Variants in ADGRL2 observed in about 807,000 individuals in gnomAD.
The protein encoded by ADGRL2 is adhesion G protein-coupled receptor L2.
Under a neutral mutation model 157.4 loss-of-function variants are expected in ADGRL2, and 44 were observed. That is an observed-to-expected ratio of 0.28 (90% CI 0.22 to 0.36). The LOEUF is 0.36. Ranked by LOEUF, ADGRL2 falls within the 10% of genes least tolerant of loss-of-function variation. ADGRL2 has a pLI of 1.00. For missense variants in ADGRL2, 1,510 were observed against 1,768.9 expected, an observed-to-expected ratio of 0.85 and a Z score of 2.63; for synonymous variants, 585 against 624.7, an observed-to-expected ratio of 0.94 and a Z score of 0.95.
At chr1:81,656,635 C>T (rs1254994061) in intron 3 of ADGRL2, among the ~76,000 whole-genome samples, 1 of 152,166 alleles carries the variant, frequency 6.6e-6, no homozygotes, top group Non-Finnish European at 1.5e-5. Context: ...CTCTAGGTAT[C>T]TTAACCTGTG....
At chr1:81,655,513 C>T (rs1343899268) in intron 3 of ADGRL2, among the ~76,000 whole-genome samples, 2 of 152,180 alleles carry the variant, frequency 1.3e-5, no homozygotes, top group African/African-American at 4.8e-5. Context: ...ACTTTCTACA[C>T]GCGTCCTCAA....
chr1:81,561,365 T>C (rs2080435271), intron 2 of ADGRL2, among the ~76,000 whole-genome samples: 1 of 152,006 alleles, frequency 6.6e-6, no homozygotes, highest in African/African-American at 2.4e-5. Flanking sequence ...TACTGTAAGA[T>C]TTCTCTTTTT....
chr1:81,462,806 G>A (rs1223329664), intron 2 of ADGRL2, among the ~76,000 whole-genome samples: 1 of 151,966 alleles, frequency 6.6e-6, no homozygotes, highest in African/African-American at 2.4e-5. Context: ...CAGAAAAAGG[G>A]TAAAAAAATT....
intron 3 of ADGRL2, among the ~76,000 whole-genome samples, chr1:81,683,728 G>A (rs907254031): frequency 6.6e-6 from 1 of 152,040 alleles, no homozygotes; most frequent in East Asian, 1.9e-4. Flanking sequence ...TTCATTGACC[G>A]ATGGGCATTG....
chr1:81,562,936 C>T (rs115285315), intron 2 of ADGRL2, among the ~76,000 whole-genome samples: 2 of 152,106 alleles, frequency 1.3e-5, no homozygotes, highest in African/African-American at 2.4e-5. Context: ...TTTATTCATT[C>T]GCCCATTCAA....
intron 1 of ADGRL2, among the ~76,000 whole-genome samples, chr1:81,807,439 A>G (rs2089304965): frequency 6.6e-6 from 1 of 152,012 alleles, no homozygotes; most frequent in African/African-American, 2.4e-5. Flanking sequence ...AGATTATTGT[A>G]ATTAGGCTTG....
rs371507033 is a variant in ADGRL2 at position 81,362,168 on chromosome 1, G to A, written c.-302+55659G>A. ...GTATGATGTTCTAGGCTTTCATTAA[G>A]CATTCCTATACTAAAACACCATAGG... On this transcript the variant is annotated intron_variant, in intron 1 of 24. Coordinates refer to the ADGRL2 transcript ENST00000370721. Among the ~76,000 whole-genome samples the A allele has an allele frequency of 1.1e-3, 166 of 151,890 alleles. 7 individuals carry two copies. In the South Asian group the frequency reaches 0.034, roughly 31 times the overall value.
chr1:81,429,117 C>T (rs868775999), intron 1 of ADGRL2, among the ~76,000 whole-genome samples: 17 of 137,076 alleles, frequency 1.2e-4, no homozygotes, highest in African/African-American at 4.3e-4. Context: ...GTGAACTACC[C>T]ATGAGGCATT....
chr1:81,886,916 C>T (rs2094140524), intron 2 of ADGRL2, among the ~76,000 whole-genome samples: 2 of 152,148 alleles, frequency 1.3e-5, no homozygotes, highest in East Asian at 3.9e-4. Flanking sequence ...TGGTAGAAAA[C>T]TGGTAATGGA....
chr1:81,528,646 CAAAAAAAAAAAAAAAAA>C (rs59842382), intron 2 of ADGRL2, among the ~76,000 whole-genome samples: 63,923 of 116,182 alleles, frequency 0.55, 15,101 homozygotes, highest in South Asian at 0.66. Context: ...GACTCCATCT[CAAAAAAAAAAAAAAAAA>C]AAAAAAAAAA....
At chr1:81,575,691 G>A (rs1174881076) in intron 2 of ADGRL2, among the ~76,000 whole-genome samples, 1 of 151,790 alleles carries the variant, frequency 6.6e-6, no homozygotes, top group East Asian at 1.9e-4. Context: ...TGGAGAAGTT[G>A]GTATAGTTAC....
At chr1:81,344,246 T>C (rs1016982066) in intron 1 of ADGRL2, among the ~76,000 whole-genome samples, 1 of 152,150 alleles carries the variant, frequency 6.6e-6, no homozygotes, top group Non-Finnish European at 1.5e-5. Flanking sequence ...CGATGTTCTA[T>C]GATAGCACAT....
chr1:81,349,077 G>A (rs1231252023), intron 1 of ADGRL2, among the ~76,000 whole-genome samples: 1 of 152,102 alleles, frequency 6.6e-6, no homozygotes, highest in Non-Finnish European at 1.5e-5. Context: ...AAAGTTTTAT[G>A]ATTGTATATT....
chr1:81,731,935 G>T lies in ADGRL2; in HGVS notation c.-142-29876G>T, dbSNP rs80121438. The stretch of plus-strand genomic sequence containing the variant: ...ATCTGGACCAAGACAATCTGTTCAA[G>T]GCACTTGACCCATTATGCTATCCAA... On this transcript the variant is annotated intron_variant, in intron 1 of 20. Transcript: ENST00000359929. 7.6e-3 allele frequency among the ~76,000 whole-genome samples: 1,154 copies of T among 152,284 alleles called. 9 individuals are homozygous for T. Among genetic ancestry groups the T allele is most frequent in the Non-Finnish European group, 0.013 (891 of 68,032 alleles).
intron 2 of ADGRL2, among the ~76,000 whole-genome samples, chr1:81,838,379 A>C (rs1280932389): frequency 1.3e-5 from 2 of 152,100 alleles, no homozygotes; most frequent in Non-Finnish European, 2.9e-5. Context: ...TGGCAGTTAC[A>C]ATCTTTGGGT....
At chr1:81,966,258 A>G in intron 12 of ADGRL2, 75 bp downstream of exon 12, 1 of 1,589,202 alleles carries the variant, frequency 6.3e-7, no homozygotes, top group Non-Finnish European at 8.6e-7. Context: ...AATGTATTTG[A>G]GTCCTTATAT....
chr1:81,657,310 T>G (rs1485914893), intron 3 of ADGRL2, among the ~76,000 whole-genome samples: 1 of 152,154 alleles, frequency 6.6e-6, no homozygotes, highest in African/African-American at 2.4e-5. Flanking sequence ...TTTGGCTTTG[T>G]GTGGACAAAT....
intron 1 of ADGRL2, among the ~76,000 whole-genome samples, chr1:81,437,248 T>C (rs1263643559): frequency 6.6e-6 from 1 of 152,138 alleles, no homozygotes; most frequent in African/African-American, 2.4e-5. Flanking sequence ...GAATCACAAA[T>C]GTACAAACAA....
At chr1:81,618,209 A>G (rs1313822446) in intron 3 of ADGRL2, among the ~76,000 whole-genome samples, 1 of 152,236 alleles carries the variant, frequency 6.6e-6, no homozygotes, top group Admixed American at 6.5e-5. Flanking sequence ...TGACATAGAC[A>G]TTTAGCTATA....
Sources: gnomAD v4.1 joint callset for allele counts (sites outside exome capture counted in the v4.1 genomes callset) on GRCh38, gnomAD v4.1.1 for gene constraint, MANE v1.5 for transcripts, NCBI Gene and HGNC (gene_info 2026-07-23, HGNC 2026-07-21) for gene names.